The following SETD5 variants were observed in gnomAD, a reference collection of about 807,000 sequenced individuals.
SETD5 encodes histone-lysine N-methyltransferase SETD5.
In SETD5, 44 loss-of-function variants were observed where a neutral mutation model predicts 153.3. The observed-to-expected ratio is 0.29, with a 90% CI of 0.23 to 0.37. The LOEUF (loss-of-function observed/expected upper bound fraction) is 0.37. Among genes scored for constraint, SETD5 ranks in the 10% least tolerant of loss-of-function variants. The pLI is 1.00. For missense variants in SETD5, 1,544 were observed against 1,768.0 expected (o/e 0.87, Z 2.27); for synonymous variants, 716 against 645.2 (o/e 1.11, Z -1.66).
At position 9,434,355 on chromosome 3, in the gene SETD5, C is replaced by T. The variant is rs200031380; in HGVS notation, c.199C>T (p.Leu67=). 9.6e-5 allele frequency: 155 copies of T among 1,613,870 alleles called. 1 individual carries two copies. In the East Asian group the frequency reaches 3.4e-3, roughly 36 times the overall value. The change falls in exon 5 of 23, where the codon CTG becomes TTG. Residue 67 remains leucine, a synonymous_variant. Transcript: ENST00000402198. The surrounding 1 kb of genome is among the most constrained non-coding windows in gnomAD (Gnocchi z 5.6). ...PYATIIPRSD[L]NGLPSPVEER... is the part of the protein sequence containing the mutation. ...CCAGACGATCATCCCTCGTTCTGAC[C>T]TGAATGGCCTGCCGTCGCCTGTAGA...
At chr3:9,453,526 A>G (rs932024098) in intron 16 of SETD5, among the ~76,000 whole-genome samples, 1 of 152,118 alleles carries the variant, frequency 6.6e-6, no homozygotes, top group African/African-American at 2.4e-5. Context: ...GGATCTCATT[A>G]TATGTAATCC....
chr3:9,468,548 G>T (rs1390847426), intron 18 of SETD5: 1 of 1,304,146 alleles, frequency 7.7e-7, no homozygotes, highest in East Asian at 5.5e-5. Flanking sequence ...GTTCCCCTGC[G>T]CATAGGCCCG....
In SETD5 at chr3:9,435,827, C is replaced by G; in HGVS notation, c.488C>G (p.Thr163Ser). 6.2e-7 allele frequency: 1 copy of G among 1,602,024 alleles called. No homozygotes were observed. The highest frequency in any genetic ancestry group is 1.1e-5 in the South Asian group (1 of 88,862). Residue 163 changes from threonine (T) to serine (S), a missense_variant, in exon 7 of 23, where the codon ACT (threonine) becomes AGT (serine). By Grantham distance (58) the Thr-to-Ser change is moderately conservative. Around this residue, in one of 9 missense-constraint regions of SETD5, gnomAD observed 251 missense variants for 326.9 expected, o/e 0.77. Coordinates refer to ENST00000402198, the MANE Select transcript of SETD5 (RefSeq NM_001080517.3). ...CACACACCTACAAGCATCACCTTAA[C>G]TGTTAGAAGAACCAAACCCAAGAAG... is the stretch of plus-strand genomic sequence containing the variant. ...TQHTPTSITL[T>S]VRRTKPKKRK...
chr3:9,431,777 C>T, intron 3 of SETD5: 1 of 948,762 alleles, frequency 1.1e-6, no homozygotes, highest in South Asian at 4.9e-5. Context: ...CAGCATAGCT[C>T]CATCTCCATG....
At chr3:9,420,881 G>T in intron 1 of SETD5, among the ~76,000 whole-genome samples, 1 of 146,832 alleles carries the variant, frequency 6.8e-6, no homozygotes, top group African/African-American at 2.6e-5. Context: ...ATTATCTGCT[G>T]TAGCAAACTT....
At chr3:9,425,063 T>TTGTTTTTGTTTTTG (rs1231339581) in intron 2 of SETD5, among the ~76,000 whole-genome samples, 5 of 144,632 alleles carry the variant, frequency 3.5e-5, no homozygotes, top group African/African-American at 1.1e-4. Context: ...TTCTTTTTTT[T>TTGTTTTTGTTTTTG]TTTTTTTTTT....
At chr3:9,432,207 A>G (rs2040045645) in intron 3 of SETD5, 3 of 817,692 alleles carry the variant, frequency 3.7e-6, no homozygotes, top group East Asian at 1.2e-4. Flanking sequence ...TTTAAGTAAT[A>G]AAATGCATGC....
intron 1 of SETD5, among the ~76,000 whole-genome samples, chr3:9,403,291 A>G (rs908985457): frequency 1.3e-5 from 2 of 152,226 alleles, no homozygotes; most frequent in Admixed American, 1.3e-4. Flanking sequence ...ATAGGTTAAA[A>G]TAAAATAAAT....
chr3:9,404,630 T>C (rs914814014), intron 1 of SETD5, among the ~76,000 whole-genome samples: 6 of 152,214 alleles, frequency 3.9e-5, no homozygotes, highest in African/African-American at 1.2e-4. Context: ...CCAGACAGTT[T>C]TCTCTGCATG....
chr3:9,457,626 T>G (rs1214236230), intron 17 of SETD5, among the ~76,000 whole-genome samples: 1 of 151,036 alleles, frequency 6.6e-6, no homozygotes, highest in African/African-American at 2.4e-5. Flanking sequence ...CAATTTTTTT[T>G]GTTCCCAAAC....
chr3:9,426,482 C>T (rs1243002705), intron 2 of SETD5, among the ~76,000 whole-genome samples: 2 of 151,582 alleles, frequency 1.3e-5, no homozygotes, highest in East Asian at 2.0e-4. Flanking sequence ...CTGCAACCTC[C>T]ACCTCCTGGG....
At chr3:9,405,388 A>G (rs749257062) in intron 1 of SETD5, among the ~76,000 whole-genome samples, 10 of 152,204 alleles carry the variant, frequency 6.6e-5, no homozygotes, top group Non-Finnish European at 1.5e-4. Flanking sequence ...TGTTTACCCT[A>G]TTACCTTAGT....
intron 1 of SETD5, among the ~76,000 whole-genome samples, chr3:9,417,177 T>C (rs2037588668): frequency 6.6e-6 from 1 of 152,160 alleles, no homozygotes; most frequent in Non-Finnish European, 1.5e-5. Flanking sequence ...TAGAGTAGAT[T>C]GGAGGGTTCA....
chr3:9,464,119 C>T (rs1332568298), intron 17 of SETD5, among the ~76,000 whole-genome samples: 1 of 152,080 alleles, frequency 6.6e-6, no homozygotes, highest in Non-Finnish European at 1.5e-5. Context: ...CAGAGCAAGG[C>T]TCTGTCTCAT....
In SETD5 at chr3:9,474,453, G is replaced by A; in HGVS notation, c.3502G>A (p.Val1168Ile). 1 of 1,613,762 alleles carries A rather than the reference G, an allele frequency of 6.2e-7. No individual in the cohort carries two copies. The highest frequency in any genetic ancestry group is 8.5e-7 in the Non-Finnish European group (1 of 1,179,798). ...TGCACCCTGTTGCCTTTACAGGATG[G>A]TTCCCACATCAGTAGAACGACTCCG... is the stretch of plus-strand genomic sequence containing the variant. ...PQENISSRWMVPTSVERLREG... is the reference protein window; with the variant it reads ...PQENISSRWMIPTSVERLREG... Residue 1168 changes from valine to isoleucine, a missense_variant, in exon 21 of 23, where the codon GTT (valine) becomes ATT (isoleucine). By Grantham distance (29) the Val-to-Ile change is conservative. Transcript: ENST00000402198.
chr3:9,433,443 A>T (rs2040200172), intron 3 of SETD5: 2 of 1,289,634 alleles, frequency 1.6e-6, no homozygotes, highest in Non-Finnish European at 2.0e-6. Context: ...TGATCATCTC[A>T]CTCACTGCAA....
chr3:9,413,360 G>T (rs1422883614), intron 1 of SETD5, among the ~76,000 whole-genome samples: 1 of 152,122 alleles, frequency 6.6e-6, no homozygotes, highest in Non-Finnish European at 1.5e-5. Context: ...TGTGCAATAG[G>T]TAACATTTTA....
chr3:9,454,837 T>G (rs2043040088), intron 17 of SETD5, among the ~76,000 whole-genome samples: 1 of 152,150 alleles, frequency 6.6e-6, no homozygotes, highest in Non-Finnish European at 1.5e-5. Context: ...ATCAGCTTAA[T>G]TGAAAAGTTC....
intron 18 of SETD5, among the ~76,000 whole-genome samples, chr3:9,468,881 T>C (rs2044963500): frequency 6.6e-6 from 1 of 152,018 alleles, no homozygotes; most frequent in South Asian, 2.1e-4. Context: ...TATTAAAGAA[T>C]AGAATCTAGA....
Sources: gnomAD v4.1 joint callset for allele counts (sites outside exome capture counted in the v4.1 genomes callset) on GRCh38, gnomAD v4.1.1 for gene constraint, gnomAD v4.1.1 regional missense constraint, Gnocchi (gnomAD v3.1) non-coding constraint, MANE v1.5 for transcripts, NCBI Gene and HGNC (gene_info 2026-07-23, HGNC 2026-07-21) for gene names.